MIB1: variants seen among roughly 807,000 people sequenced by gnomAD.
The protein encoded by MIB1 is E3 ubiquitin-protein ligase MIB1.
MIB1 carries 278 observed loss-of-function variants against 124.5 expected under a neutral mutation model. The observed-to-expected ratio is 2.23, with a 90% CI of 2.02 to 2.47. MIB1 has a LOEUF of 2.47. Among genes scored for constraint, MIB1 ranks in the 30% most tolerant of loss-of-function variants. The pLI is 0.00. For missense variants in MIB1, 957 were observed against 1,254.4 expected (o/e 0.76, Z 3.58); for synonymous variants, 446 against 429.4 (o/e 1.04, Z -0.48).
intron 12 of MIB1, among the ~76,000 whole-genome samples, chr18:21,831,908 A>G (rs1327346633): frequency 6.6e-6 from 1 of 152,176 alleles, no homozygotes; most frequent in African/African-American, 2.4e-5. Flanking sequence ...TGATTTTTTG[A>G]TTGATAAAAA....
At chr18:21,851,130 C>G (rs2042175975) in intron 17 of MIB1, among the ~76,000 whole-genome samples, 2 of 152,104 alleles carry the variant, frequency 1.3e-5, no homozygotes, top group African/African-American at 4.8e-5. Context: ...GAAGCAGAGT[C>G]TCAGCTATGA....
At chr18:21,846,596 T>A in intron 15 of MIB1, among the ~76,000 whole-genome samples, 1 of 152,194 alleles carries the variant, frequency 6.6e-6, no homozygotes, top group Non-Finnish European at 1.5e-5. Flanking sequence ...GAGTACTGTT[T>A]CTTTAGTATC....
intron 10 of MIB1, among the ~76,000 whole-genome samples, chr18:21,807,579 A>T (rs918146046): frequency 6.6e-6 from 1 of 152,164 alleles, no homozygotes; most frequent in African/African-American, 2.4e-5. Context: ...TCCACAAGGG[A>T]CATTTGGAAA....
chr18:21,773,176 G>A (rs1281206336), intron 3 of MIB1, among the ~76,000 whole-genome samples: 1 of 152,144 alleles, frequency 6.6e-6, no homozygotes, highest in East Asian at 1.9e-4. Context: ...TGAGGCAGGA[G>A]AAGCTTGAAC....
chr18:21,811,253 CTT>C (rs1396544028), intron 10 of MIB1, among the ~76,000 whole-genome samples: 1 of 152,120 alleles, frequency 6.6e-6, no homozygotes, highest in African/African-American at 2.4e-5. Flanking sequence ...AATTAGAACT[CTT>C]TGCACTGTTC....
chr18:21,847,193 A>C (rs2042142743), intron 16 of MIB1, 68 bp downstream of exon 16: 22 of 1,283,130 alleles, frequency 1.7e-5, no homozygotes, highest in Non-Finnish European at 2.3e-5. Context: ...TTCGTAATGG[A>C]GGACGTGGCT....
chr18:21,851,409 TAATTTATAATCTTATA>T (rs2042179005), intron 17 of MIB1, among the ~76,000 whole-genome samples: 2 of 152,154 alleles, frequency 1.3e-5, no homozygotes, highest in African/African-American at 4.8e-5. Context: ...GAAAGTTTTA[TAATTTATAATCTTATA>T]AATTTATAAT....
At chr18:21,737,631 C>A (rs149919138), upstream of MIB1, among the ~76,000 whole-genome samples, 2,567 of 152,126 alleles carry the variant, frequency 0.017, 66 homozygotes, top group African/African-American at 0.054. Context: ...ATTCAGGAGA[C>A]CCATCTCATG....
At chr18:21,857,093 C>A (rs1269909793) in intron 18 of MIB1, 37 bp from the exon 19 acceptor site, 3 of 1,375,540 alleles carry the variant, frequency 2.2e-6, no homozygotes, top group Non-Finnish European at 3.1e-6. Flanking sequence ...TATTAATGTT[C>A]TCTCTTGTAA....
intron 1 of MIB1, among the ~76,000 whole-genome samples, chr18:21,748,895 G>A (rs2040943067): frequency 6.6e-6 from 1 of 151,710 alleles, no homozygotes; most frequent in Admixed American, 6.6e-5. Flanking sequence ...ACCAAGCCTG[G>A]CTAATTTTTT....
At chr18:21,857,785 T>G (rs1208345042) in intron 19 of MIB1, among the ~76,000 whole-genome samples, 1 of 152,248 alleles carries the variant, frequency 6.6e-6, no homozygotes, top group Non-Finnish European at 1.5e-5. Flanking sequence ...TTCAAAGTAT[T>G]TTTTCTCTTT....
At chr18:21,820,722 G>A (rs763205391) in intron 12 of MIB1, among the ~76,000 whole-genome samples, 3 of 152,168 alleles carry the variant, frequency 2.0e-5, no homozygotes, top group Non-Finnish European at 2.9e-5. Context: ...TGCTTCACAT[G>A]CATCATCTCA....
At chr18:21,790,773 C>A (rs2041492938) in intron 6 of MIB1, among the ~76,000 whole-genome samples, 1 of 152,124 alleles carries the variant, frequency 6.6e-6, no homozygotes, top group Non-Finnish European at 1.5e-5. Context: ...GAATTTTTAA[C>A]AATAATTGTA....
chr18:21,741,861 C>T lies in MIB1; in HGVS notation c.229+49C>T. The T allele has an allele frequency of 6.8e-7, 1 of 1,475,572 alleles. No homozygotes were observed. The highest frequency in any genetic ancestry group is 9.1e-7 in the Non-Finnish European group (1 of 1,099,310). 91.4% of individuals were successfully genotyped at this position (1,475,572 alleles called of 1,614,324 possible). A position where few individuals can be genotyped will look rare whatever the true frequency, so the allele number is the denominator to read the frequency against. ...GGCTTGCGCGCGCGGGGGGAAGGGG[C>T]GAGCTGCGGTGGGCGTCGGTGTCGC... On this transcript the variant is annotated intron_variant, in intron 1 of 20. Coordinates refer to ENST00000261537, the MANE Select transcript of MIB1 (RefSeq NM_020774.4). The surrounding 1 kb of genome is among the most constrained non-coding windows in gnomAD (Gnocchi z 5.4).
At chr18:21,835,074 A>G (rs147751777) in intron 12 of MIB1, among the ~76,000 whole-genome samples, 27 of 152,336 alleles carry the variant, frequency 1.8e-4, no homozygotes, top group Non-Finnish European at 2.6e-4. Flanking sequence ...ATTTGGGGCT[A>G]TCTGCAGTGT....
chr18:21,824,596 T>C (rs1268134830), intron 12 of MIB1, among the ~76,000 whole-genome samples: 1 of 152,088 alleles, frequency 6.6e-6, no homozygotes, highest in African/African-American at 2.4e-5. Flanking sequence ...ATGTACTTTC[T>C]GTGACTGAGG....
Position 21,773,700 on chromosome 18 carries a change from A to G in MIB1, c.608A>G (p.Asn203Ser), listed in dbSNP as rs1382665175. 4 of 1,605,468 alleles carry G rather than the reference A, an allele frequency of 2.5e-6. No individual in the cohort carries two copies. The highest frequency in any genetic ancestry group is 3.4e-6 in the Non-Finnish European group (4 of 1,176,722). The change falls in exon 4 of 21, where the codon AAC becomes AGC. Residue 203 changes from asparagine (N) to serine (S), a missense_variant. Physicochemically the swap from Asn to Ser is conservative, Grantham distance 46. Coordinates refer to ENST00000261537, the MANE Select transcript of MIB1 (RefSeq NM_020774.4). ...GTCCTCTGGGATAATGGTGCTAAGA[A>G]CCTTTACAGAGTTGGCTTTGAGGGC... ...AYVLWDNGAKNLYRVGFEGMS... is the reference protein window; with the variant it reads ...AYVLWDNGAKSLYRVGFEGMS...
chr18:21,806,412 G>C (rs922943566), intron 10 of MIB1, among the ~76,000 whole-genome samples: 3 of 151,980 alleles, frequency 2.0e-5, no homozygotes, highest in Non-Finnish European at 4.4e-5. Flanking sequence ...ATGTTGCCCA[G>C]TTTGGTCTCA....
intron 4 of MIB1, among the ~76,000 whole-genome samples, chr18:21,775,560 A>G (rs1008028785): frequency 6.6e-6 from 1 of 152,210 alleles, no homozygotes; most frequent in Non-Finnish European, 1.5e-5. Context: ...CCACTTATAT[A>G]TTAAAAGCCA....
Sources: allele counts gnomAD v4.1 joint callset (sites outside exome capture counted in the v4.1 genomes callset), GRCh38; gene constraint gnomAD v4.1.1; non-coding constraint Gnocchi (gnomAD v3.1); transcripts MANE v1.5; gene names NCBI Gene and HGNC (gene_info 2026-07-23, HGNC 2026-07-21).